USH1C: variants seen among roughly 807,000 people sequenced by gnomAD.
USH1C encodes USH1 protein network component harmonin, also known as harmonin.
In USH1C, 90 loss-of-function variants were observed where a neutral mutation model predicts 119.3. The observed-to-expected ratio is 0.75, with a 90% CI of 0.64 to 0.90. The LOEUF (loss-of-function observed/expected upper bound fraction) is 0.90. Ranked by LOEUF, USH1C falls within the 40% of genes least tolerant of loss-of-function variation. USH1C has a pLI of 0.00. For synonymous variants in USH1C, 465 were observed against 443.3 expected, an observed-to-expected ratio of 1.05 and a Z score of -0.62; for missense variants, 1,165 against 1,167.7, an observed-to-expected ratio of 1.00 and a Z score of 0.03.
In USH1C at chr11:17,524,325, C is replaced by T. The variant is rs547595853; in HGVS notation, c.759+126G>A. ...AGCCTTCTCTGCAGGGTGGGTAGGG[C>T]TCCTACTCCCTCAGTGTCCACTGAA... On this transcript the variant is annotated intron_variant, in intron 9 of 26. Coordinates refer to ENST00000005226, the MANE Select transcript of USH1C (RefSeq NM_153676.4). 462 of 1,036,486 alleles carry T rather than the reference C, an allele frequency of 4.5e-4. 2 individuals are homozygous for T. The highest frequency in any genetic ancestry group is 8.6e-4 in the Middle Eastern group (3 of 3,474). The allele number at this position is 1,036,486 out of a possible 1,614,324, so 64.2% of individuals were successfully genotyped here.
rs781240730 is a variant in USH1C, at chr11:17,501,136, G to T, written c.2295C>A (p.Asp765Glu). The T allele has an allele frequency of 6.2e-7, 1 of 1,613,920 alleles. No homozygotes were observed. Among genetic ancestry groups the T allele is most frequent in the Non-Finnish European group, 8.5e-7 (1 of 1,179,898 alleles). Residue 765 changes from aspartate to glutamate, a missense_variant, in exon 23 of 27, where the codon GAC becomes GAA. Asp to Glu is a conservative substitution (Grantham distance 45). Coordinates refer to ENST00000005226, the MANE Select transcript of USH1C (RefSeq NM_153676.4). ...LLRIKKEGSL[D>E]LALEGGVDSP... is the part of the protein sequence containing the mutation. ...AGTCCACACCGCCTTCCAGGGCCAGGTCTAAGGATCCCTCCTGGTTAGAGG... is the reference window on the plus strand; with the variant it reads ...AGTCCACACCGCCTTCCAGGGCCAGTTCTAAGGATCCCTCCTGGTTAGAGG...
intron 1 of USH1C, among the ~76,000 whole-genome samples, chr11:17,542,212 T>C (rs1010771342): frequency 6.6e-6 from 1 of 152,214 alleles, no homozygotes; most frequent in Non-Finnish European, 1.5e-5. Flanking sequence ...AAATATTACT[T>C]CCAACAACTA....
chr11:17,526,712 T>G (rs1025148673), intron 7 of USH1C, 41 bp downstream of exon 7: 1 of 1,603,588 alleles, frequency 6.2e-7, no homozygotes, highest in African/African-American at 1.3e-5. Flanking sequence ...TCCTTGAAGA[T>G]GACCCCACCC....
Position 17,501,476 on chromosome 11 carries a change from A to G in USH1C, c.2280+6T>C, listed in dbSNP as rs1240582875. On this transcript the variant is annotated splice_donor_region_variant and intron_variant, in intron 22 of 26. Transcript: ENST00000005226. The stretch of plus-strand genomic sequence containing the variant: ...GCGGCCCACCGGCCTCCACATGCCC[A>G]GGTACCTTCTTGATGCGTAGGAGCC... 1.9e-6 allele frequency: 3 copies of G among 1,612,000 alleles called. No homozygotes were observed. Among genetic ancestry groups the G allele is most frequent in the South Asian group, 2.2e-5 (2 of 90,656 alleles).
chr11:17,534,666 G>C (rs1440264900), intron 1 of USH1C, among the ~76,000 whole-genome samples: 1 of 152,172 alleles, frequency 6.6e-6, no homozygotes, highest in East Asian at 1.9e-4. Context: ...CCTGAGATCA[G>C]GAGTTTGAGA....
chr11:17,534,792 T>A (rs573039627), intron 1 of USH1C, among the ~76,000 whole-genome samples: 1 of 150,608 alleles, frequency 6.6e-6, no homozygotes, highest in South Asian at 2.1e-4. Flanking sequence ...GAGAATCACT[T>A]GAACTCGGGA....
chr11:17,501,739 G>A (rs1240050779), intron 21 of USH1C, among the ~76,000 whole-genome samples, 200 bp downstream of exon 21: 1 of 152,106 alleles, frequency 6.6e-6, no homozygotes, highest in African/African-American at 2.4e-5. Flanking sequence ...ACACGTGCAT[G>A]TGCACCATAC....
At chr11:17,532,192 T>C (rs1229586299) in intron 2 of USH1C, among the ~76,000 whole-genome samples, 2 of 152,208 alleles carry the variant, frequency 1.3e-5, no homozygotes, top group African/African-American at 4.8e-5. Flanking sequence ...CCCAGATTAC[T>C]TATCTCCATT....
chr11:17,533,366 C>T (rs539980644), intron 1 of USH1C, 44 bp from the exon 2 acceptor site: 114 of 1,410,938 alleles, frequency 8.1e-5, no homozygotes, highest in Non-Finnish European at 1.0e-4. Context: ...GCTCAGCACC[C>T]GCCCCCATAG....
chr11:17,504,208 G>A (rs1849550369), intron 20 of USH1C, among the ~76,000 whole-genome samples: 1 of 152,186 alleles, frequency 6.6e-6, no homozygotes, highest in South Asian at 2.1e-4. Context: ...CCCTGACGCT[G>A]GTTCAGTGTC....
intron 14 of USH1C, 120 bp downstream of exon 14, chr11:17,520,750 T>A: frequency 7.9e-7 from 1 of 1,258,320 alleles, no homozygotes; most frequent in Non-Finnish European, 1.2e-6. Flanking sequence ...TGCCCCTCCA[T>A]GAAGGAACCA....
chr11:17,516,645 T>A, intron 14 of USH1C: 1 of 366,060 alleles, frequency 2.7e-6, no homozygotes. Flanking sequence ...CAAAGCCTTG[T>A]TGAAAGAGAA....
chr11:17,533,981 C>T (rs118171172), intron 1 of USH1C: 210 of 277,686 alleles, frequency 7.6e-4, no homozygotes, highest in African/African-American at 3.9e-3. Flanking sequence ...ACTTTGTTGA[C>T]GTCAATGGCT....
Position 17,531,058 on chromosome 11 carries a change from G to A in USH1C, c.387+96C>T. 2.5e-6 allele frequency: 4 copies of A among 1,587,258 alleles called. No individual in the cohort carries two copies. The highest frequency in any genetic ancestry group is 3.4e-6 in the Non-Finnish European group (4 of 1,164,836). ...TTCACCCGAAGGCTCAGAAAAGTGG[G>A]TGACCATGTTGTGCCACACAGCCTA... On this transcript the variant is annotated intron_variant, in intron 4 of 26. Coordinates refer to ENST00000005226, the MANE Select transcript of USH1C (RefSeq NM_153676.4). The surrounding 1 kb of genome is among the most constrained non-coding windows in gnomAD (Gnocchi z 4.2).
rs182590232 is a variant in USH1C, at chr11:17,521,621, G to T, written c.1020-210C>A. On this transcript the variant is annotated intron_variant, in intron 12 of 26. Transcript: ENST00000005226. Reference sequence around the variant, plus strand: ...GTTTTGTCTGGCATGGCTGAGCAGAGATGCTGGGCTGTGGGAGGAGGGAAG... The same window carrying T: ...GTTTTGTCTGGCATGGCTGAGCAGATATGCTGGGCTGTGGGAGGAGGGAAG... 1.3e-3 allele frequency among the ~76,000 whole-genome samples: 205 copies of T among 152,278 alleles called. 1 individual carries two copies. The highest frequency in any genetic ancestry group is 4.7e-3 in the African/African-American group (196 of 41,560).
intron 4 of USH1C, among the ~76,000 whole-genome samples, chr11:17,530,549 T>C (rs1194985563): frequency 6.6e-6 from 1 of 152,258 alleles, no homozygotes; most frequent in Non-Finnish European, 1.5e-5. Context: ...TCTGTTCACT[T>C]ACCAGGCTCA....
intron 14 of USH1C, 26 bp downstream of exon 14, chr11:17,520,844 C>G: frequency 1.2e-6 from 2 of 1,614,064 alleles, no homozygotes; most frequent in Non-Finnish European, 1.7e-6. Flanking sequence ...TTCCCTTAGC[C>G]TCTCCCCTCG....
intron 19 of USH1C, among the ~76,000 whole-genome samples, chr11:17,505,146 G>A (rs900472891): frequency 3.3e-5 from 5 of 152,244 alleles, no homozygotes; most frequent in Non-Finnish European, 5.9e-5. Context: ...TCCCTTAGCC[G>A]TCAGTAACTG....
chr11:17,496,677 C>T lies in USH1C; in HGVS notation c.2546+81G>A. Reference sequence around the variant, plus strand: ...GCCATTCCTTCAGGCTGGGAGAAGGCTGGGGATGGGCTGGAGAAAGGTGGC... The same window carrying T: ...GCCATTCCTTCAGGCTGGGAGAAGGTTGGGGATGGGCTGGAGAAAGGTGGC... On this transcript the variant is annotated intron_variant, in intron 25 of 26. Transcript: ENST00000005226. 2.6e-6 allele frequency: 4 copies of T among 1,565,062 alleles called. No homozygotes were observed. The South Asian group carries it at 4.5e-5, about 18-fold the overall frequency.
Sources: gnomAD v4.1 joint callset for allele counts (sites outside exome capture counted in the v4.1 genomes callset) on GRCh38, gnomAD v4.1.1 for gene constraint, Gnocchi (gnomAD v3.1) non-coding constraint, MANE v1.5 for transcripts, NCBI Gene and HGNC (gene_info 2026-07-23, HGNC 2026-07-21) for gene names.